POLR3GL: variants seen among roughly 807,000 people sequenced by gnomAD.
POLR3GL encodes DNA-directed RNA polymerase III subunit RPC7-like.
In POLR3GL, 26 loss-of-function variants were observed where a neutral mutation model predicts 32.4. The ratio of observed to expected loss-of-function variants is 0.80; its 90% CI spans 0.59 to 1.11. The LOEUF is 1.11. POLR3GL is among the 50% of genes most tolerant of loss of function. The pLI is 0.00. For synonymous variants in POLR3GL, 95 were observed against 98.7 expected, an observed-to-expected ratio of 0.96 and a Z score of 0.22; for missense variants, 229 against 280.1, an observed-to-expected ratio of 0.82 and a Z score of 1.30.
Position 145,977,496 on chromosome 1 carries a change from AC to A in POLR3GL, c.343del (p.Arg115GlyfsTer3). 6.2e-7 allele frequency: 1 copy of A among 1,614,064 alleles called. No individual in the cohort carries two copies. Among genetic ancestry groups the A allele is most frequent in the South Asian group, 1.1e-5 (1 of 91,078 alleles). On this transcript the variant is annotated frameshift_variant, in exon 5 of 8. Coordinates refer to ENST00000369314, the MANE Select transcript of POLR3GL (RefSeq NM_032305.3). LOFTEE classifies it high-confidence loss of function. ...CACTATTCCCAGATTGGCGGCGTCT[AC>A]CCCGGGAGCTAAAGATCCGAGTGCG... ...IDWNPDWRRL[P>X]RELKIRVRKL... is the part of the protein sequence containing the mutation.
intron 7 of POLR3GL, 78 bp downstream of exon 7, chr1:145,978,174 C>T (rs782078679): frequency 5.2e-6 from 8 of 1,545,614 alleles, no homozygotes; most frequent in Non-Finnish European, 7.0e-6. Flanking sequence ...AGAGGGTTGG[C>T]ATGCCAACAG....
At chr1:145,977,058 A>T in intron 3 of POLR3GL, 26 bp from the exon 4 acceptor site, 2 of 1,602,092 alleles carry the variant, frequency 1.2e-6, no homozygotes, top group Non-Finnish European at 1.7e-6. Flanking sequence ...CTGAAGGGAT[A>T]AAACTTTGAC....
At chr1:145,975,826 T>C (rs974205676) in intron 3 of POLR3GL, among the ~76,000 whole-genome samples, 3 of 152,176 alleles carry the variant, frequency 2.0e-5, no homozygotes, top group Admixed American at 2.0e-4. Flanking sequence ...CATGAGCCAC[T>C]GCGCCCAGCA....
chr1:145,969,863 G>A (rs1650200360), intron 1 of POLR3GL, among the ~76,000 whole-genome samples: 1 of 148,906 alleles, frequency 6.7e-6, no homozygotes, highest in Non-Finnish European at 1.5e-5. Context: ...AGGCTGCGGT[G>A]AGCCGAGATT....
chr1:145,975,539 A>G, intron 3 of POLR3GL, 103 bp downstream of exon 3: 1 of 1,324,776 alleles, frequency 7.5e-7, no homozygotes, highest in Non-Finnish European at 1.1e-6. Context: ...ATACTATCTA[A>G]CTGGGGAGAT....
At chr1:145,974,479 A>C (rs1553763099) in intron 1 of POLR3GL, among the ~76,000 whole-genome samples, 1 of 152,184 alleles carries the variant, frequency 6.6e-6, no homozygotes, top group African/African-American at 2.4e-5. Context: ...GCACCATTGC[A>C]CTCAAGCCTG....
Position 145,977,973 on chromosome 1 carries a change from C to T in POLR3GL, c.457-10C>T. On this transcript the variant is annotated splice_polypyrimidine_tract_variant and intron_variant, in intron 6 of 7. Transcript: ENST00000369314. ...ACCTGAGTTTCTATTCCTATTCATC[C>T]CCACATGAGACCCTGGAGAAGAAGG... 3.7e-6 allele frequency: 6 copies of T among 1,613,792 alleles called. No homozygotes were observed. Among genetic ancestry groups the T allele is most frequent in the Non-Finnish European group, 5.1e-6 (6 of 1,179,906 alleles).
rs587667025 is a variant in POLR3GL, at chr1:145,973,145, A to G, written c.-41-1680A>G. ...GAGAGCCCTGGTTCCTTTTATTGGAAAATTGTATGAGAAACCAAGATCTGG... is the reference window on the plus strand; with the variant it reads ...GAGAGCCCTGGTTCCTTTTATTGGAGAATTGTATGAGAAACCAAGATCTGG... On this transcript the variant is annotated intron_variant, in intron 1 of 7. Coordinates refer to ENST00000369314, the MANE Select transcript of POLR3GL (RefSeq NM_032305.3). Among the ~76,000 whole-genome samples, 15 of 152,224 alleles carry G rather than the reference A, an allele frequency of 9.9e-5. No individual in the cohort carries two copies. The South Asian group carries it at 3.1e-3, about 32-fold the overall frequency.
Position 145,977,530 on chromosome 1 carries a change from CA to C in POLR3GL, c.374del (p.Gln125ArgfsTer27). 1 of 1,613,952 alleles carries C rather than the reference CA, an allele frequency of 6.2e-7. No individual in the cohort carries two copies. On this transcript the variant is annotated frameshift_variant, in exon 5 of 8. Coordinates refer to ENST00000369314, the MANE Select transcript of POLR3GL (RefSeq NM_032305.3). LOFTEE classifies it high-confidence loss of function. ...RELKIRVRKLQKERITILLPK... is the reference protein window; with the variant it reads ...RELKIRVRKLXKERITILLPK... ...GCTAAAGATCCGAGTGCGGAAGCTACAGAAGGAACGTGAGTGTATCTGGAAA... is the reference window on the plus strand; with the variant it reads ...GCTAAAGATCCGAGTGCGGAAGCTACGAAGGAACGTGAGTGTATCTGGAAA...
intron 1 of POLR3GL, among the ~76,000 whole-genome samples, chr1:145,972,241 G>A (rs901535874): frequency 6.0e-5 from 9 of 151,240 alleles, no homozygotes; most frequent in Non-Finnish European, 1.2e-4. Context: ...TTAGCCGGGC[G>A]TGGTGGCACA....
intron 1 of POLR3GL, among the ~76,000 whole-genome samples, chr1:145,972,572 T>G (rs1650370511): frequency 6.6e-6 from 1 of 152,190 alleles, no homozygotes; most frequent in African/African-American, 2.4e-5. Flanking sequence ...AATCTAATAC[T>G]GCTTTATTTA....
intron 1 of POLR3GL, among the ~76,000 whole-genome samples, chr1:145,970,736 C>T (rs1650238340): frequency 6.6e-6 from 1 of 151,414 alleles, no homozygotes; most frequent in Non-Finnish European, 1.5e-5. Context: ...ATTAGCCGGG[C>T]ACGGTGGCGG....
Position 145,974,966 on chromosome 1 carries a change from C to A in POLR3GL, c.101C>A (p.Thr34Asn). 2 of 1,520,458 alleles carry A rather than the reference C, an allele frequency of 1.3e-6. No individual in the cohort carries two copies. The highest frequency in any genetic ancestry group is 1.8e-6 in the Non-Finnish European group (2 of 1,139,066). The allele number at this position is 1,520,458 out of a possible 1,614,324, so 94.2% of individuals were successfully genotyped here. ...AAAGGGGATGCTTTGCCCCCACCCA[C>A]CCTGCAGCCTTCTCCACTCTTCCCT... Reference protein sequence around the residue: ...IGKGDALPPPTLQPSPLFPPL... With the variant: ...IGKGDALPPPNLQPSPLFPPL... Residue 34 changes from threonine to asparagine, a missense_variant, in exon 2 of 8, where the codon ACC becomes AAC. Thr to Asn is a moderately conservative substitution (Grantham distance 65). Coordinates refer to ENST00000369314, the MANE Select transcript of POLR3GL (RefSeq NM_032305.3).
intron 1 of POLR3GL, among the ~76,000 whole-genome samples, chr1:145,967,905 G>T (rs1363937685): frequency 3.3e-5 from 5 of 152,194 alleles, no homozygotes; most frequent in Non-Finnish European, 5.9e-5. Context: ...CCATTTTACA[G>T]ATGAGGAAAC....
intron 1 of POLR3GL, among the ~76,000 whole-genome samples, chr1:145,965,665 C>T (rs985571929): frequency 6.6e-6 from 1 of 152,178 alleles, no homozygotes; most frequent in African/African-American, 2.4e-5. Flanking sequence ...TAAATTTTTA[C>T]CCAGCTTCTA....
Position 145,977,781 on chromosome 1 carries a change from T to C in POLR3GL, c.386T>C (p.Ile129Thr), listed in dbSNP as rs781926908. The C allele has an allele frequency of 6.2e-7, 1 of 1,613,886 alleles. No individual in the cohort carries two copies. The highest frequency in any genetic ancestry group is 1.1e-5 in the South Asian group (1 of 91,078). Reference sequence around the variant, plus strand: ...TACCTTTTGATCCCTCCACCAGGGATTACAATTCTGCTCCCCAAGAGGCCC... The same window carrying C: ...TACCTTTTGATCCCTCCACCAGGGACTACAATTCTGCTCCCCAAGAGGCCC... Reference protein sequence around the residue: ...IRVRKLQKERITILLPKRPPK... With the variant: ...IRVRKLQKERTTILLPKRPPK... Residue 129 changes from isoleucine to threonine, a missense_variant, in exon 6 of 8, where the codon ATT becomes ACT. Transcript: ENST00000369314.
chr1:145,965,053 G>A (rs1553761853), intron 1 of POLR3GL, among the ~76,000 whole-genome samples: 2 of 152,194 alleles, frequency 1.3e-5, no homozygotes, highest in African/African-American at 4.8e-5. Context: ...CCAAGAGCCT[G>A]ACAAACTCCT....
chr1:145,969,267 TA>T (rs1559252934), intron 1 of POLR3GL, among the ~76,000 whole-genome samples: 1 of 150,022 alleles, frequency 6.7e-6, no homozygotes, highest in African/African-American at 2.5e-5. Context: ...ACTGGCCCAT[TA>T]AAAAAAAATT....
intron 1 of POLR3GL, among the ~76,000 whole-genome samples, chr1:145,968,955 T>C (rs1435297547): frequency 1.3e-5 from 2 of 152,156 alleles, no homozygotes; most frequent in African/African-American, 4.8e-5. Flanking sequence ...CAATTTGATA[T>C]CTTAACCAAC....
Sources: gnomAD v4.1 joint callset for allele counts (sites outside exome capture counted in the v4.1 genomes callset) on GRCh38, gnomAD v4.1.1 for gene constraint, MANE v1.5 for transcripts, NCBI Gene and HGNC (gene_info 2026-07-23, HGNC 2026-07-21) for gene names.